The following PM20D1 variants were observed in gnomAD, a reference collection of about 807,000 sequenced individuals.
PM20D1 encodes peptidase M20 domain containing 1, also known as N-fatty-acyl-amino acid synthase/hydrolase PM20D1.
Under a neutral mutation model 53.8 loss-of-function variants are expected in PM20D1, and 53 were observed. The ratio of observed to expected loss-of-function variants is 0.98; its 90% CI spans 0.79 to 1.24. The LOEUF is 1.24. PM20D1 is among the 50% of genes most tolerant of loss of function. The pLI, the probability that PM20D1 is intolerant of heterozygous loss-of-function variation, is 0.00. For missense variants in PM20D1, 564 were observed against 616.8 expected (o/e 0.91, Z 0.91); for synonymous variants, 239 against 241.3 (o/e 0.99, Z 0.09).
In PM20D1 at chr1:205,842,687, G is replaced by T. The variant is rs775365130; in HGVS notation, c.892C>A (p.Leu298Met). 23 of 1,613,984 alleles carry T rather than the reference G, an allele frequency of 1.4e-5. 1 individual carries two copies. The South Asian group carries it at 2.4e-4, about 17-fold the overall frequency. Residue 298 changes from leucine (L) to methionine (M), a missense_variant, in exon 7 of 13, where the codon CTG (leucine) becomes ATG (methionine). Leu to Met is a conservative substitution (Grantham distance 15). Coordinates refer to ENST00000367136, the MANE Select transcript of PM20D1 (RefSeq NM_152491.5). ...ACTTCTTCCCATACCTCATTTGCCA[G>T]TTGCTGCAATACAGTCACCACTGTC... ...SGTVVTVLQQ[L>M]ANEFPFPVNI...
intron 12 of PM20D1, 132 bp downstream of exon 12, chr1:205,830,148 T>C: frequency 1.5e-6 from 1 of 659,228 alleles, no homozygotes; most frequent in Non-Finnish European, 2.7e-6. Context: ...GGTTCTACAA[T>C]GTCTCCATTT....
intron 5 of PM20D1, 112 bp from the exon 6 acceptor site, chr1:205,843,898 G>A (rs1347444907): frequency 7.3e-6 from 11 of 1,498,052 alleles, no homozygotes; most frequent in Non-Finnish European, 7.2e-6. Context: ...GTAGCTTCAT[G>A]CTGCTTTAAA....
chr1:205,840,368 C>T, intron 9 of PM20D1, 45 bp from the exon 10 acceptor site: 2 of 1,547,334 alleles, frequency 1.3e-6, no homozygotes, highest in East Asian at 2.3e-5. Context: ...AACCTCAAAT[C>T]TTCTACATCT....
At chr1:205,848,771 TTCA>T (rs916020899) in intron 1 of PM20D1, among the ~76,000 whole-genome samples, 1 of 152,140 alleles carries the variant, frequency 6.6e-6, no homozygotes, top group African/African-American at 2.4e-5. Context: ...AAAGACAAAC[TTCA>T]TCAGTTTTGC....
At chr1:205,831,545 T>C (rs1656559628) in intron 11 of PM20D1, among the ~76,000 whole-genome samples, 1 of 149,854 alleles carries the variant, frequency 6.7e-6, no homozygotes, top group Non-Finnish European at 1.5e-5. Flanking sequence ...AATATCATTA[T>C]TATTGAGCAA....
At chr1:205,840,556 G>A (rs547012487) in intron 9 of PM20D1, among the ~76,000 whole-genome samples, 11 of 152,326 alleles carry the variant, frequency 7.2e-5, no homozygotes, top group African/African-American at 2.6e-4. Context: ...TCTTGGTGCT[G>A]CAGGGGGTCA....
chr1:205,843,323 T>A (rs947847821), intron 6 of PM20D1, among the ~76,000 whole-genome samples: 1 of 152,220 alleles, frequency 6.6e-6, no homozygotes, highest in African/African-American at 2.4e-5. Flanking sequence ...TGACAGATCC[T>A]CTTCTGACTC....
chr1:205,836,740 C>A (rs1245785943), intron 10 of PM20D1, among the ~76,000 whole-genome samples: 1 of 152,128 alleles, frequency 6.6e-6, no homozygotes, highest in Non-Finnish European at 1.5e-5. Flanking sequence ...TGGCCTCAAG[C>A]AATCCTCTGG....
At chr1:205,830,012 G>A (rs538461493) in intron 12 of PM20D1, 1 of 358,266 alleles carries the variant, frequency 2.8e-6, no homozygotes, top group South Asian at 4.3e-5. Context: ...AGCACCCAAG[G>A]GTACCGATTC....
chr1:205,849,124 A>G (rs1314408092), intron 1 of PM20D1, among the ~76,000 whole-genome samples: 1 of 152,182 alleles, frequency 6.6e-6, no homozygotes, highest in Non-Finnish European at 1.5e-5. Flanking sequence ...CTGCTTCTAT[A>G]TGTTTATGCA....
chr1:205,844,476 G>C (rs1656895208), intron 4 of PM20D1, among the ~76,000 whole-genome samples: 1 of 152,182 alleles, frequency 6.6e-6, no homozygotes, highest in East Asian at 1.9e-4. Flanking sequence ...GTCTAAGTAA[G>C]TAGCATCATT....
In PM20D1 at chr1:205,845,513, C is replaced by T. The variant is rs964719324; in HGVS notation, c.301G>A (p.Val101Met). The T allele has an allele frequency of 2.8e-5, 45 of 1,614,164 alleles. No homozygotes were observed. The highest frequency in any genetic ancestry group is 4.5e-5 in the East Asian group (2 of 44,874). ...GTGAACAGGTGGCTATACTCTTCCA[C>T]GACTTCATGCTGGATAAAGCTGGTG... ...VSTSFIQHEV[V>M]EEYSHLFTIQ... The change falls in exon 3 of 13, where the codon GTG becomes ATG. Residue 101 changes from valine (V) to methionine (M), a missense_variant. Physicochemically the swap from Val to Met is conservative, Grantham distance 21. Coordinates refer to ENST00000367136, the MANE Select transcript of PM20D1 (RefSeq NM_152491.5).
chr1:205,848,674 G>C (rs377663075), intron 1 of PM20D1, among the ~76,000 whole-genome samples: 34 of 152,294 alleles, frequency 2.2e-4, no homozygotes, highest in African/African-American at 7.5e-4. Context: ...CACTGGGAGG[G>C]AAAGCATGAA....
In PM20D1 at chr1:205,842,770, C is replaced by T; in HGVS notation, c.828-19G>A. On this transcript the variant is annotated intron_variant, in intron 6 of 12. Coordinates refer to ENST00000367136, the MANE Select transcript of PM20D1 (RefSeq NM_152491.5). ...CTCCAATCTGGAAGAGAAACAGAGT[C>T]CTCAAGACTTAGCGAACCCCAGCCA... 6.2e-7 allele frequency: 1 copy of T among 1,612,808 alleles called. No homozygotes were observed. The highest frequency in any genetic ancestry group is 8.5e-7 in the Non-Finnish European group (1 of 1,179,298).
In PM20D1 at chr1:205,828,920, G is replaced by A. The variant is rs547872735; in HGVS notation, c.1386-177C>T. Reference sequence around the variant, plus strand: ...CTGAGATTTCGGATGCACATTGGTCGTTTCTCAGGGATCCATCTATGCTCG... The same window carrying A: ...CTGAGATTTCGGATGCACATTGGTCATTTCTCAGGGATCCATCTATGCTCG... On this transcript the variant is annotated intron_variant, in intron 12 of 12. Transcript: ENST00000367136. Among the ~76,000 whole-genome samples the A allele has an allele frequency of 6.6e-4, 100 of 152,350 alleles. 1 individual carries two copies. The highest frequency in any genetic ancestry group is 2.3e-3 in the African/African-American group (95 of 41,576).
chr1:205,840,927 C>G (rs1656791465), intron 9 of PM20D1, among the ~76,000 whole-genome samples: 1 of 152,220 alleles, frequency 6.6e-6, no homozygotes. Flanking sequence ...TATTCCCAGC[C>G]AGTGACTGAG....
intron 10 of PM20D1, 47 bp from the exon 11 acceptor site, chr1:205,832,813 A>G: frequency 6.6e-7 from 1 of 1,509,840 alleles, no homozygotes; most frequent in South Asian, 1.3e-5. Flanking sequence ...TGATTTCTAT[A>G]CATGTACAAT....
chr1:205,841,706 A>G, intron 9 of PM20D1, 105 bp downstream of exon 9: 1 of 1,191,660 alleles, frequency 8.4e-7, no homozygotes, highest in South Asian at 1.3e-5. Flanking sequence ...GCTTGGATCC[A>G]GCTGACACAC....
chr1:205,844,683 A>T, intron 4 of PM20D1, 128 bp downstream of exon 4: 1 of 757,582 alleles, frequency 1.3e-6, no homozygotes, highest in Non-Finnish European at 2.1e-6. Flanking sequence ...ATACAGACAC[A>T]CGGAGAAGTT....
Sources: allele counts gnomAD v4.1 joint callset (sites outside exome capture counted in the v4.1 genomes callset), GRCh38; gene constraint gnomAD v4.1.1; transcripts MANE v1.5; gene names NCBI Gene and HGNC (gene_info 2026-07-23, HGNC 2026-07-21).